The following SDAD1 variants were observed in gnomAD, a reference collection of about 807,000 sequenced individuals.
The protein encoded by SDAD1 is protein SDA1 homolog.
A neutral mutation model predicts 100.3 loss-of-function variants in SDAD1; 79 were observed. The ratio of observed to expected loss-of-function variants is 0.79; its 90% CI spans 0.66 to 0.95. The LOEUF is 0.95. Among genes scored for constraint, SDAD1 ranks in the 40% least tolerant of loss-of-function variants. The pLI, the probability that SDAD1 is intolerant of heterozygous loss-of-function variation, is 0.00. For synonymous variants in SDAD1, 267 were observed against 271.4 expected (o/e 0.98, Z 0.16); for missense variants, 790 against 810.9 (o/e 0.97, Z 0.31).
intron 13 of SDAD1, among the ~76,000 whole-genome samples, 171 bp from the exon 14 acceptor site, chr4:75,964,382 G>A (rs938697315): frequency 1.3e-5 from 2 of 152,234 alleles, no homozygotes; most frequent in African/African-American, 2.4e-5. Flanking sequence ...ACTCCACTTA[G>A]GAATTCAGTG....
chr4:75,986,410 C>T (rs1730897113), intron 1 of SDAD1, among the ~76,000 whole-genome samples: 1 of 152,276 alleles, frequency 6.6e-6, no homozygotes. Flanking sequence ...TTTCCCTGTC[C>T]CCATTCTCAG....
Position 75,990,915 on chromosome 4 carries a change from A to G in SDAD1, c.-74T>C. 2.5e-6 allele frequency: 4 copies of G among 1,579,358 alleles called. No homozygotes were observed. Among genetic ancestry groups the G allele is most frequent in the Non-Finnish European group, 3.5e-6 (4 of 1,151,804 alleles). Reference sequence around the variant, plus strand: ...CGGCCGGCACCCCGCAATCCCTGCCAGCTGCAGCTTGGACTCGTGTTTCCG... The same window carrying G: ...CGGCCGGCACCCCGCAATCCCTGCCGGCTGCAGCTTGGACTCGTGTTTCCG... On this transcript the variant is annotated 5_prime_UTR_variant, in exon 1 of 22. Transcript: ENST00000356260.
chr4:75,962,091 T>C (rs1729273541), intron 14 of SDAD1, among the ~76,000 whole-genome samples: 1 of 152,158 alleles, frequency 6.6e-6, no homozygotes, highest in Non-Finnish European at 1.5e-5. Flanking sequence ...ATGTTCCCCA[T>C]CCTGTGTCCA....
At chr4:75,974,392 T>A (rs548149464) in intron 6 of SDAD1, among the ~76,000 whole-genome samples, 2 of 130,978 alleles carry the variant, frequency 1.5e-5, no homozygotes, top group South Asian at 2.4e-4. Context: ...CGTAGGAAGC[T>A]AGTCAAGTGC....
At chr4:75,950,901 C>A in intron 21 of SDAD1, 104 bp from the exon 22 acceptor site, 1 of 642,992 alleles carries the variant, frequency 1.6e-6, no homozygotes, top group East Asian at 2.6e-5. Flanking sequence ...AGTCAATACA[C>A]CATCCTGAAA....
chr4:75,953,981 G>A (rs1728747583), intron 21 of SDAD1, among the ~76,000 whole-genome samples: 1 of 152,068 alleles, frequency 6.6e-6, no homozygotes, highest in Non-Finnish European at 1.5e-5. Flanking sequence ...CTTTCAAAAG[G>A]GCACATACAG....
chr4:75,951,531 A>G (rs3796483), intron 21 of SDAD1, among the ~76,000 whole-genome samples: 35,521 of 152,070 alleles, frequency 0.23, 4,843 homozygotes, highest in East Asian at 0.5. Context: ...GTGAACATGA[A>G]GAATGAAAGC....
intron 17 of SDAD1, among the ~76,000 whole-genome samples, chr4:75,959,097 CAAAAAAAAAAAAAAAAAAAA>C (rs61245198): frequency 1.8e-5 from 1 of 54,984 alleles, no homozygotes; most frequent in Non-Finnish European, 3.1e-5. Context: ...GACTCTGTCT[CAAAAAAAAAAAAAAAAAAAA>C]AAAAAAAAAA....
In SDAD1 at chr4:75,970,372, T is replaced by A. The variant is rs1186025899; in HGVS notation, c.820A>T (p.Lys274Ter). 2 of 1,613,300 alleles carry A rather than the reference T, an allele frequency of 1.2e-6. No homozygotes were observed. ...EKAMKVLKKQ[K>*]KKKKPEVFNF... ...AACACCTCTGGTTTTTTCTTCTTTT[T>A]TTGTTTCTGAAAGGGAGAGGAAAAA... is the stretch of plus-strand genomic sequence containing the variant. The change falls in exon 10 of 22, where the codon AAA (lysine) becomes TAA (stop). Residue 274 changes from lysine to a stop codon, truncating the protein, a stop_gained. Transcript: ENST00000356260. LOFTEE classifies it high-confidence loss of function.
intron 1 of SDAD1, among the ~76,000 whole-genome samples, chr4:75,984,099 G>C (rs980557956): frequency 1.3e-5 from 2 of 151,472 alleles, no homozygotes; most frequent in African/African-American, 4.9e-5. Context: ...GGTGGTTGTA[G>C]ATGTGTGGCG....
intron 21 of SDAD1, among the ~76,000 whole-genome samples, chr4:75,953,683 T>C (rs183137114): frequency 6.6e-6 from 1 of 152,314 alleles, no homozygotes; most frequent in Non-Finnish European, 1.5e-5. Context: ...AGCACTGCCC[T>C]AGAGGGCTGG....
intron 17 of SDAD1, among the ~76,000 whole-genome samples, chr4:75,959,760 C>A (rs1447804591): frequency 6.6e-6 from 1 of 152,118 alleles, no homozygotes; most frequent in Non-Finnish European, 1.5e-5. Flanking sequence ...TAAGGGCTAA[C>A]CCCCGTAATT....
At chr4:75,982,324 T>C (rs946457361) in intron 1 of SDAD1, among the ~76,000 whole-genome samples, 12 of 152,178 alleles carry the variant, frequency 7.9e-5, no homozygotes, top group Admixed American at 2.6e-4. Context: ...CAAATTCAGA[T>C]TGTAGCCCTG....
intron 1 of SDAD1, among the ~76,000 whole-genome samples, chr4:75,986,728 C>T (rs1412231350): frequency 1.3e-5 from 2 of 152,088 alleles, no homozygotes; most frequent in Non-Finnish European, 2.9e-5. Context: ...CAAAACAAAA[C>T]AAAAAACACC....
At chr4:75,987,165 A>G (rs571082216) in intron 1 of SDAD1, among the ~76,000 whole-genome samples, 3 of 152,304 alleles carry the variant, frequency 2.0e-5, no homozygotes, top group South Asian at 4.1e-4. Context: ...TATAATTCAT[A>G]TACCATAAAA....
At chr4:75,966,059 G>A (rs568810925) in intron 12 of SDAD1, among the ~76,000 whole-genome samples, 6 of 152,016 alleles carry the variant, frequency 3.9e-5, no homozygotes, top group South Asian at 2.1e-4. Context: ...AACCCGTCCC[G>A]ACACTCCCTA....
Position 75,990,872 on chromosome 4 carries a change from G to C in SDAD1, c.-31C>G, listed in dbSNP as rs2149337760. On this transcript the variant is annotated 5_prime_UTR_variant, in exon 1 of 22. Transcript: ENST00000356260. ...CTGCAGACAGACTTCGCGGCGAGCA[G>C]TTTTAAAAAAACTCAGACGGCCGGC... 6.2e-7 allele frequency: 1 copy of C among 1,613,834 alleles called. No homozygotes were observed. Among genetic ancestry groups the C allele is most frequent in the Non-Finnish European group, 8.5e-7 (1 of 1,179,914 alleles).
At position 75,989,415 on chromosome 4, in the gene SDAD1, G is replaced by A. The variant is rs1251440597; in HGVS notation, c.90+1337C>T. ...ATAATAAGTCTACACTCACTTGAAT[G>A]TAAGTCCAAGAGAAGAATGCTTTCT... On this transcript the variant is annotated intron_variant, in intron 1 of 21. Coordinates refer to ENST00000356260, the MANE Select transcript of SDAD1 (RefSeq NM_018115.4). Among the ~76,000 whole-genome samples the A allele has an allele frequency of 3.9e-5, 6 of 152,134 alleles. No individual in the cohort carries two copies. In the South Asian group the frequency reaches 8.3e-4, roughly 21 times the overall value.
intron 17 of SDAD1, among the ~76,000 whole-genome samples, chr4:75,959,646 G>A (rs539071443): frequency 1.1e-4 from 16 of 152,112 alleles, no homozygotes; most frequent in Middle Eastern, 3.4e-3. Flanking sequence ...TGAATGGACA[G>A]GAAGAATACA....
Sources: gnomAD v4.1 joint callset for allele counts (sites outside exome capture counted in the v4.1 genomes callset) on GRCh38, gnomAD v4.1.1 for gene constraint, MANE v1.5 for transcripts, NCBI Gene and HGNC (gene_info 2026-07-23, HGNC 2026-07-21) for gene names.